Variants in GNAQ observed in about 807,000 individuals in gnomAD.
GNAQ encodes the protein G protein subunit alpha q, also known as guanine nucleotide-binding protein G(q) subunit alpha.
Under a neutral mutation model 43.9 loss-of-function variants are expected in GNAQ, and 8 were observed. The observed-to-expected ratio is 0.18, with a 90% CI of 0.11 to 0.33. The LOEUF is 0.33. GNAQ is among the 10% of genes least tolerant of loss of function. GNAQ has a pLI of 1.00. For missense variants in GNAQ, 158 were observed against 450.8 expected, an observed-to-expected ratio of 0.35 and a Z score of 5.88; for synonymous variants, 155 against 170.7, an observed-to-expected ratio of 0.91 and a Z score of 0.71.
intron 2 of GNAQ, among the ~76,000 whole-genome samples, chr9:77,869,250 A>C (rs1827997669): frequency 6.6e-6 from 1 of 152,166 alleles, no homozygotes; most frequent in South Asian, 2.1e-4. Flanking sequence ...GTAGGACAAA[A>C]CTGATTAAAT....
chr9:77,995,389 G>C (rs982040582), intron 1 of GNAQ, among the ~76,000 whole-genome samples: 1 of 152,186 alleles, frequency 6.6e-6, no homozygotes, highest in Non-Finnish European at 1.5e-5. Context: ...ACAACTGGGG[G>C]TAGAGGTGAG....
intron 2 of GNAQ, among the ~76,000 whole-genome samples, chr9:77,887,214 A>T (rs571566242): frequency 6.6e-6 from 1 of 152,350 alleles, no homozygotes; most frequent in African/African-American, 2.4e-5. Flanking sequence ...TGTTTGGGAA[A>T]CAGCTCTGAG....
chr9:77,788,642 G>A (rs1826521275), intron 5 of GNAQ, among the ~76,000 whole-genome samples: 1 of 152,090 alleles, frequency 6.6e-6, no homozygotes, highest in Admixed American at 6.5e-5. Context: ...ATTGGAAGCA[G>A]GTAGGTCATT....
chr9:77,840,281 T>C (rs1827467231), intron 2 of GNAQ, among the ~76,000 whole-genome samples: 1 of 152,090 alleles, frequency 6.6e-6, no homozygotes, highest in African/African-American at 2.4e-5. Flanking sequence ...TGTAGATAGA[T>C]GCAAGTTTAT....
chr9:77,941,045 A>T (rs955673401), intron 1 of GNAQ, among the ~76,000 whole-genome samples: 10 of 152,246 alleles, frequency 6.6e-5, no homozygotes, highest in Non-Finnish European at 1.5e-5. Context: ...AACAACTAAA[A>T]AATAATTTAG....
At chr9:77,819,492 C>A (rs375651824) in intron 2 of GNAQ, among the ~76,000 whole-genome samples, 12 of 152,180 alleles carry the variant, frequency 7.9e-5, no homozygotes, top group Admixed American at 1.3e-4. Flanking sequence ...CAGCTGAAGG[C>A]GGCTTTAGAC....
intron 1 of GNAQ, among the ~76,000 whole-genome samples, chr9:77,982,069 C>T (rs937862959): frequency 5.9e-5 from 9 of 152,146 alleles, no homozygotes; most frequent in African/African-American, 2.2e-4. Flanking sequence ...CATCCCAGGC[C>T]AATGACTAGC....
chr9:77,932,555 C>T (rs1829167758), intron 1 of GNAQ, among the ~76,000 whole-genome samples: 1 of 152,036 alleles, frequency 6.6e-6, no homozygotes, highest in African/African-American at 2.4e-5. Context: ...AACAGCATTC[C>T]AAGCAGTTGA....
intron 5 of GNAQ, among the ~76,000 whole-genome samples, chr9:77,791,552 G>C (rs1418399568): frequency 6.6e-6 from 1 of 152,100 alleles, no homozygotes; most frequent in Non-Finnish European, 1.5e-5. Context: ...GCCACTATTT[G>C]ATAATGTATT....
At chr9:77,790,767 G>A (rs1372003817) in intron 5 of GNAQ, among the ~76,000 whole-genome samples, 1 of 152,176 alleles carries the variant, frequency 6.6e-6, no homozygotes, top group Non-Finnish European at 1.5e-5. Context: ...TGGAAGGGCA[G>A]GGGACCTGGC....
At chr9:77,805,747 A>C (rs1826820430) in intron 3 of GNAQ, among the ~76,000 whole-genome samples, 1 of 152,132 alleles carries the variant, frequency 6.6e-6, no homozygotes, top group South Asian at 2.1e-4. Context: ...CAAAACAAAG[A>C]TCACTCGGTA....
intron 1 of GNAQ, among the ~76,000 whole-genome samples, chr9:77,928,943 G>A (rs578110295): frequency 4.3e-4 from 65 of 152,232 alleles, no homozygotes; most frequent in Middle Eastern, 6.8e-3. Context: ...ACTTGAACCA[G>A]GGAGGCGGAC....
chr9:77,827,383 TAAA>T (rs5898562), intron 2 of GNAQ, among the ~76,000 whole-genome samples: 12 of 129,168 alleles, frequency 9.3e-5, no homozygotes, highest in Admixed American at 2.3e-4. Context: ...TTTAAATAAC[TAAA>T]AAAAAAAAAA....
intron 1 of GNAQ, among the ~76,000 whole-genome samples, chr9:77,973,792 T>A (rs951576145): frequency 2.6e-5 from 4 of 152,166 alleles, no homozygotes; most frequent in African/African-American, 9.7e-5. Context: ...CACTCCAGCC[T>A]GGGCGACAGA....
intron 1 of GNAQ, among the ~76,000 whole-genome samples, chr9:77,935,399 A>G (rs1285939535): frequency 6.6e-6 from 1 of 152,196 alleles, no homozygotes; most frequent in African/African-American, 2.4e-5. Context: ...CGTCATAAAG[A>G]GATGCATTAG....
At chr9:77,729,367 T>C (rs915405098) in intron 5 of GNAQ, among the ~76,000 whole-genome samples, 2 of 152,202 alleles carry the variant, frequency 1.3e-5, no homozygotes, top group South Asian at 4.1e-4. Context: ...TGTGAGTAAG[T>C]GTTCTCACCT....
At chr9:77,760,727 T>A (rs939142640) in intron 5 of GNAQ, among the ~76,000 whole-genome samples, 1 of 145,950 alleles carries the variant, frequency 6.9e-6, no homozygotes, top group Non-Finnish European at 1.5e-5. Flanking sequence ...GTGAGGAGCG[T>A]CTCTGCCCGG....
intron 2 of GNAQ, among the ~76,000 whole-genome samples, chr9:77,920,871 T>C (rs1024414867): frequency 6.6e-6 from 1 of 152,212 alleles, no homozygotes; most frequent in Non-Finnish European, 1.5e-5. Flanking sequence ...TTAAGATGAT[T>C]TGGTATTTTA....
chr9:77,959,305 G>T (rs1823079217), intron 1 of GNAQ, among the ~76,000 whole-genome samples: 1 of 152,054 alleles, frequency 6.6e-6, no homozygotes, highest in South Asian at 2.1e-4. Flanking sequence ...TTCTTCTGGT[G>T]TATTTTAATC....
Sources: gnomAD v4.1 joint callset for allele counts (sites outside exome capture counted in the v4.1 genomes callset) on GRCh38, gnomAD v4.1.1 for gene constraint, MANE v1.5 for transcripts, NCBI Gene and HGNC (gene_info 2026-07-23, HGNC 2026-07-21) for gene names.